KLHL1: variants seen among roughly 807,000 people sequenced by gnomAD.
The protein encoded by KLHL1 is kelch like family member 1.
In KLHL1, 47 loss-of-function variants were observed where a neutral mutation model predicts 77.7. That is an observed-to-expected ratio of 0.60 (90% CI 0.48 to 0.77). The LOEUF (loss-of-function observed/expected upper bound fraction) is 0.77, where lower values mean the gene tolerates loss of function less well. KLHL1 is among the 30% of genes least tolerant of loss of function. The probability of loss-of-function intolerance (pLI) is 0.00; values close to 1 mark genes in which losing one functional copy is unlikely to be tolerated. For synonymous variants in KLHL1, 360 were observed against 325.2 expected, an observed-to-expected ratio of 1.11 and a Z score of -1.15; for missense variants, 925 against 910.8, an observed-to-expected ratio of 1.02 and a Z score of -0.20.
At chr13:70,033,513 T>TA (rs771678815) in intron 1 of KLHL1, among the ~76,000 whole-genome samples, 1 of 151,760 alleles carries the variant, frequency 6.6e-6, no homozygotes, top group East Asian at 1.9e-4. Context: ...TTCACTGTGT[T>TA]AGCCAGGATG....
Position 69,842,171 on chromosome 13 carries a change from C to CA in KLHL1, c.1228-3010dup, listed in dbSNP as rs377602076. ...ATGACTAAGACATCAAAAGCACAGG[C>CA]AACAACAATAAAAAGACAAATGGGA... On this transcript the variant is annotated intron_variant, in intron 5 of 10. Coordinates refer to ENST00000377844, the MANE Select transcript of KLHL1 (RefSeq NM_020866.3). 7.1e-4 allele frequency among the ~76,000 whole-genome samples: 107 copies of CA among 151,522 alleles called. 1 individual carries two copies. The highest frequency in any genetic ancestry group is 2.5e-3 in the African/African-American group (103 of 41,360).
At chr13:69,721,588 G>A (rs1873067609) in intron 8 of KLHL1, among the ~76,000 whole-genome samples, 1 of 151,878 alleles carries the variant, frequency 6.6e-6, no homozygotes, top group Admixed American at 6.6e-5. Context: ...TAAATGCATA[G>A]GAAGACAGTA....
intron 7 of KLHL1, among the ~76,000 whole-genome samples, chr13:69,780,897 G>A (rs983465611): frequency 2.0e-5 from 3 of 151,162 alleles, no homozygotes; most frequent in African/African-American, 7.3e-5. Context: ...CTGTTTCCCT[G>A]ACACATGAGC....
At chr13:69,915,992 C>T (rs931728352) in intron 4 of KLHL1, among the ~76,000 whole-genome samples, 12 of 152,282 alleles carry the variant, frequency 7.9e-5, no homozygotes, top group Non-Finnish European at 1.5e-4. Context: ...TGAAAAAATG[C>T]TCATCATCAC....
intron 8 of KLHL1, 34 bp from the exon 9 acceptor site, chr13:69,719,615 T>G (rs1292408500): frequency 1.9e-6 from 3 of 1,538,884 alleles, no homozygotes; most frequent in Non-Finnish European, 2.7e-6. Flanking sequence ...TGATTTAATA[T>G]CATAGTCTGG....
intron 6 of KLHL1, among the ~76,000 whole-genome samples, chr13:69,837,630 G>GTATATATATATATGTGTATA (rs1879062825): frequency 7.8e-6 from 1 of 128,724 alleles, no homozygotes; most frequent in South Asian, 2.2e-4. Flanking sequence ...ATATGTGTGT[G>GTATATATATATATGTGTATA]TATATATATA....
intron 1 of KLHL1, among the ~76,000 whole-genome samples, chr13:70,039,116 C>T (rs1886310888): frequency 6.9e-6 from 1 of 144,304 alleles, no homozygotes; most frequent in African/African-American, 2.6e-5. Flanking sequence ...AGCTGGAGTA[C>T]AGTTGCAGTG....
At chr13:70,098,523 TAAGTA>T (rs1887846216) in intron 1 of KLHL1, among the ~76,000 whole-genome samples, 1 of 151,826 alleles carries the variant, frequency 6.6e-6, no homozygotes, top group Non-Finnish European at 1.5e-5. Flanking sequence ...TTTAAAAAAA[TAAGTA>T]AATATTGATA....
intron 4 of KLHL1, among the ~76,000 whole-genome samples, chr13:69,938,264 A>G (rs1201087974): frequency 1.3e-5 from 2 of 152,148 alleles, no homozygotes; most frequent in African/African-American, 4.8e-5. Context: ...ATAGAATACC[A>G]GAGCATCACA....
chr13:69,714,071 C>T (rs1297373913), intron 9 of KLHL1, among the ~76,000 whole-genome samples: 1 of 152,014 alleles, frequency 6.6e-6, no homozygotes, highest in East Asian at 1.9e-4. Flanking sequence ...CTTTTTAAAT[C>T]CCCTCCTTAA....
Position 69,912,195 on chromosome 13 carries a change from G to A in KLHL1, c.1014+27845C>T, listed in dbSNP as rs536678860. Among the ~76,000 whole-genome samples, 5 of 152,266 alleles carry A rather than the reference G, an allele frequency of 3.3e-5. No homozygotes were observed. The East Asian group carries it at 9.7e-4, about 29-fold the overall frequency. ...TCCTTAGCTGTGGTCTTTACTCAAA[G>A]CTTCTGTTTGCCATGTCAACAGAGT... is the stretch of plus-strand genomic sequence containing the variant. On this transcript the variant is annotated intron_variant, in intron 4 of 10. Coordinates refer to ENST00000377844, the MANE Select transcript of KLHL1 (RefSeq NM_020866.3).
At chr13:70,001,407 A>G (rs571812981) in intron 1 of KLHL1, among the ~76,000 whole-genome samples, 3 of 151,408 alleles carry the variant, frequency 2.0e-5, no homozygotes, top group African/African-American at 7.2e-5. Flanking sequence ...TGAGCCTAGT[A>G]CAATTCAATT....
chr13:69,784,976 G>A (rs796942180), intron 7 of KLHL1, among the ~76,000 whole-genome samples: 10,494 of 133,302 alleles, frequency 0.079, 483 homozygotes, highest in Non-Finnish European at 0.1. Context: ...TGCAAGCTCC[G>A]CCTCCCGGGT....
chr13:69,765,716 C>A (rs1230271961), intron 7 of KLHL1, among the ~76,000 whole-genome samples: 1 of 152,014 alleles, frequency 6.6e-6, no homozygotes, highest in African/African-American at 2.4e-5. Context: ...GTGATTTGAC[C>A]AGAGCAGAGG....
chr13:69,784,043 GA>G lies in KLHL1; in HGVS notation c.1639+12694del, dbSNP rs574937365. 2.8e-4 allele frequency among the ~76,000 whole-genome samples: 43 copies of G among 152,220 alleles called. No individual in the cohort carries two copies. The South Asian group carries it at 2.9e-3, about 10-fold the overall frequency. On this transcript the variant is annotated intron_variant, in intron 7 of 10. Transcript: ENST00000377844. The stretch of plus-strand genomic sequence containing the variant: ...GGGGCCAAAATTCAACATTCTTAAA[GA>G]AAAGAATTTTCAACCCAGAATTTCA...
intron 10 of KLHL1, among the ~76,000 whole-genome samples, chr13:69,703,891 G>A (rs1875513817): frequency 6.6e-6 from 1 of 151,590 alleles, no homozygotes; most frequent in East Asian, 1.9e-4. Context: ...TTTGTAATAC[G>A]TGCACAATGA....
At chr13:70,004,865 A>T (rs1356139251) in intron 1 of KLHL1, among the ~76,000 whole-genome samples, 1 of 151,616 alleles carries the variant, frequency 6.6e-6, no homozygotes, top group African/African-American at 2.4e-5. Context: ...TGAAAATTAT[A>T]TTTATAACTA....
chr13:69,976,047 T>C (rs1309377626), intron 1 of KLHL1, among the ~76,000 whole-genome samples: 1 of 152,132 alleles, frequency 6.6e-6, no homozygotes, highest in Non-Finnish European at 1.5e-5. Flanking sequence ...TAAAAATATG[T>C]TGTCTGTATT....
intron 6 of KLHL1, among the ~76,000 whole-genome samples, chr13:69,838,471 A>C (rs1162524621): frequency 6.6e-6 from 1 of 151,878 alleles, no homozygotes. Flanking sequence ...GTTTTTAAAC[A>C]AATAATTTAT....
Sources: gnomAD v4.1 joint callset for allele counts (sites outside exome capture counted in the v4.1 genomes callset) on GRCh38, gnomAD v4.1.1 for gene constraint, MANE v1.5 for transcripts, NCBI Gene and HGNC (gene_info 2026-07-23, HGNC 2026-07-21) for gene names.